VTI1A: variants seen among roughly 807,000 people sequenced by gnomAD.
VTI1A encodes the protein vesicle transport through interaction with t-SNAREs 1A, also known as vesicle transport through interaction with t-SNAREs homolog 1A.
A neutral mutation model predicts 34.9 loss-of-function variants in VTI1A; 22 were observed. The observed-to-expected ratio is 0.63, with a 90% CI of 0.45 to 0.90. VTI1A has a LOEUF of 0.90. Ranked by LOEUF, VTI1A falls within the 40% of genes least tolerant of loss-of-function variation. VTI1A has a pLI of 0.00. For synonymous variants in VTI1A, 87 were observed against 97.3 expected, an observed-to-expected ratio of 0.89 and a Z score of 0.62; for missense variants, 268 against 275.6, an observed-to-expected ratio of 0.97 and a Z score of 0.20.
chr10:112,783,401 G>GCGCACA (rs1491281369), intron 7 of VTI1A, among the ~76,000 whole-genome samples: 4 of 150,310 alleles, frequency 2.7e-5, no homozygotes, highest in Non-Finnish European at 5.9e-5. Context: ...GCGTGCACGT[G>GCGCACA]CACACACACA....
the VTI1A span, among the ~76,000 whole-genome samples, chr10:112,848,268 T>C: frequency 2.0e-5 from 3 of 152,168 alleles, no homozygotes; most frequent in African/African-American, 7.2e-5. Context: ...CCAGGTGTAA[T>C]TAATTAACTA....
At chr10:112,545,962 A>G (rs1014568728) in intron 5 of VTI1A, among the ~76,000 whole-genome samples, 2 of 150,738 alleles carry the variant, frequency 1.3e-5, no homozygotes, top group African/African-American at 4.9e-5. Flanking sequence ...GTGTGTGTAT[A>G]TACGTGTATA....
chr10:112,538,107 T>C, intron 4 of VTI1A, 139 bp from the exon 5 acceptor site: 1 of 657,672 alleles, frequency 1.5e-6, no homozygotes. Context: ...TAATGGAAAA[T>C]TTGCTAAAAA....
chr10:112,584,650 C>G (rs1844079278), intron 5 of VTI1A, among the ~76,000 whole-genome samples: 1 of 152,222 alleles, frequency 6.6e-6, no homozygotes, highest in South Asian at 2.1e-4. Flanking sequence ...CTTCTCAGAT[C>G]AGACATTGAC....
At chr10:112,853,169 G>C in the VTI1A span, among the ~76,000 whole-genome samples, 623 of 152,274 alleles carry the variant, frequency 4.1e-3, 5 homozygotes, top group African/African-American at 0.014. Flanking sequence ...ACTCTTCCAG[G>C]GGGGTAAATT....
intron 7 of VTI1A, among the ~76,000 whole-genome samples, chr10:112,740,099 A>G (rs1389864366): frequency 6.6e-6 from 1 of 152,222 alleles, no homozygotes. Flanking sequence ...AATTCAGAAC[A>G]TTGTAGATTA....
chr10:112,711,314 C>T (rs1849406892), intron 7 of VTI1A, among the ~76,000 whole-genome samples: 1 of 152,124 alleles, frequency 6.6e-6, no homozygotes, highest in South Asian at 2.1e-4. Context: ...TTTTTAGGAC[C>T]AGATCATGGC....
intron 7 of VTI1A, among the ~76,000 whole-genome samples, chr10:112,729,494 G>C (rs1850169947): frequency 6.6e-6 from 1 of 152,146 alleles, no homozygotes; most frequent in South Asian, 2.1e-4. Flanking sequence ...AATAGGAACT[G>C]TCTCAATTTT....
chr10:112,575,559 G>T (rs1852299250), intron 5 of VTI1A, among the ~76,000 whole-genome samples: 2 of 152,196 alleles, frequency 1.3e-5, no homozygotes, highest in South Asian at 4.1e-4. Context: ...CATCCCTGCT[G>T]AGAGTGCTCT....
At chr10:112,589,711 C>A (rs1204515444) in intron 5 of VTI1A, among the ~76,000 whole-genome samples, 2 of 151,946 alleles carry the variant, frequency 1.3e-5, no homozygotes, top group Admixed American at 6.6e-5. Context: ...TTTTTATTGT[C>A]CCCATTTATA....
At chr10:112,569,110 G>C (rs949592193) in intron 5 of VTI1A, among the ~76,000 whole-genome samples, 1 of 151,638 alleles carries the variant, frequency 6.6e-6, no homozygotes, top group African/African-American at 2.4e-5. Context: ...GGCTGAGATC[G>C]TGCCACTGCC....
At chr10:112,735,000 C>T (rs1850403192) in intron 7 of VTI1A, among the ~76,000 whole-genome samples, 1 of 152,096 alleles carries the variant, frequency 6.6e-6, no homozygotes, top group African/African-American at 2.4e-5. Context: ...CCTACAAGGA[C>T]CCCAAGTCAA....
At chr10:112,684,952 CCTT>C (rs2133866665) in intron 7 of VTI1A, among the ~76,000 whole-genome samples, 1 of 152,166 alleles carries the variant, frequency 6.6e-6, no homozygotes, top group Non-Finnish European at 1.5e-5. Context: ...TAGATCCTAC[CCTT>C]CTTAGGAATC....
intron 7 of VTI1A, among the ~76,000 whole-genome samples, chr10:112,791,661 A>G (rs1005398850): frequency 3.3e-5 from 5 of 152,126 alleles, no homozygotes; most frequent in African/African-American, 1.2e-4. Context: ...GCAAAGGACT[A>G]TCTCGTTGCT....
intron 7 of VTI1A, among the ~76,000 whole-genome samples, chr10:112,707,731 A>T (rs1436801604): frequency 6.6e-6 from 1 of 152,144 alleles, no homozygotes; most frequent in Non-Finnish European, 1.5e-5. Context: ...AGTTTTCCAG[A>T]CCTGTCTCTG....
intron 5 of VTI1A, among the ~76,000 whole-genome samples, chr10:112,594,691 C>T (rs1420783528): frequency 6.6e-6 from 1 of 152,082 alleles, no homozygotes; most frequent in Non-Finnish European, 1.5e-5. Context: ...ACATTCCATG[C>T]TCATGGGTAG....
At chr10:112,734,333 T>C (rs572623603) in intron 7 of VTI1A, among the ~76,000 whole-genome samples, 4 of 152,274 alleles carry the variant, frequency 2.6e-5, no homozygotes, top group Non-Finnish European at 4.4e-5. Context: ...TGCACACTCG[T>C]TCTTGCATCC....
chr10:112,620,010 A>G (rs12245132), intron 5 of VTI1A, among the ~76,000 whole-genome samples: 20,828 of 152,220 alleles, frequency 0.14, 1,807 homozygotes, highest in African/African-American at 0.24. Flanking sequence ...TGGTTCTCCC[A>G]GGGCTTTTAA....
intron 5 of VTI1A, among the ~76,000 whole-genome samples, chr10:112,667,701 C>A (rs1847694088): frequency 6.6e-6 from 1 of 152,060 alleles, no homozygotes; most frequent in African/African-American, 2.4e-5. Context: ...TTGAAGAGAG[C>A]AAAAGCCTAG....
Sources: allele counts gnomAD v4.1 joint callset (sites outside exome capture counted in the v4.1 genomes callset), GRCh38; gene constraint gnomAD v4.1.1; transcripts MANE v1.5; gene names NCBI Gene and HGNC (gene_info 2026-07-23, HGNC 2026-07-21).